The following NLGN1 variants were observed in gnomAD, a reference collection of about 807,000 sequenced individuals.
NLGN1 encodes neuroligin-1.
Under a neutral mutation model 65.5 loss-of-function variants are expected in NLGN1, and 12 were observed. The ratio of observed to expected loss-of-function variants is 0.18; its 90% confidence interval spans 0.12 to 0.30. The LOEUF (loss-of-function observed/expected upper bound fraction) is 0.30. Among genes scored for constraint, NLGN1 ranks in the 10% least tolerant of loss-of-function variants. The pLI is 1.00. For missense variants in NLGN1, 750 were observed against 1,007.1 expected (o/e 0.74, Z 3.46); for synonymous variants, 350 against 359.5 (o/e 0.97, Z 0.30).
intron 3 of NLGN1, among the ~76,000 whole-genome samples, chr3:173,616,082 C>T (rs1225833768): frequency 1.4e-5 from 2 of 147,266 alleles, no homozygotes; most frequent in African/African-American, 5.1e-5. Context: ...TGAGGGAACA[C>T]ACAGGAGAGG....
At chr3:174,044,926 G>A (rs1392413929) in intron 4 of NLGN1, among the ~76,000 whole-genome samples, 1 of 152,038 alleles carries the variant, frequency 6.6e-6, no homozygotes, top group Middle Eastern at 3.2e-3. Context: ...CTGCCATCAT[G>A]TGAAGAAGGA....
At chr3:173,976,081 G>A (rs1004989706) in intron 4 of NLGN1, among the ~76,000 whole-genome samples, 2 of 151,996 alleles carry the variant, frequency 1.3e-5, no homozygotes, top group Admixed American at 6.6e-5. Context: ...AATTGGAGTT[G>A]TGGAGATAAC....
intron 3 of NLGN1, among the ~76,000 whole-genome samples, chr3:173,781,102 G>A (rs374934344): frequency 4.0e-5 from 5 of 124,824 alleles, no homozygotes; most frequent in East Asian, 4.4e-4. Flanking sequence ...CCAAGATCGC[G>A]CCACTGCACT....
At chr3:174,188,912 G>A (rs923884844) in intron 4 of NLGN1, among the ~76,000 whole-genome samples, 10 of 151,712 alleles carry the variant, frequency 6.6e-5, no homozygotes, top group African/African-American at 2.4e-4. Context: ...TTCTATCAAT[G>A]GTAATTAAGT....
At chr3:174,083,342 A>G (rs1342415378) in intron 4 of NLGN1, among the ~76,000 whole-genome samples, 1 of 152,158 alleles carries the variant, frequency 6.6e-6, no homozygotes, top group Non-Finnish European at 1.5e-5. Flanking sequence ...GAATTAAGAT[A>G]AATATATTGT....
chr3:173,429,782 G>A (rs558150186), intron 1 of NLGN1, among the ~76,000 whole-genome samples: 1 of 152,274 alleles, frequency 6.6e-6, no homozygotes, highest in South Asian at 2.1e-4. Context: ...ATCCCAGATT[G>A]GGGCTGGGGG....
chr3:173,450,494 AT>A (rs1333500090), intron 2 of NLGN1, among the ~76,000 whole-genome samples: 1 of 151,742 alleles, frequency 6.6e-6, no homozygotes, highest in Non-Finnish European at 1.5e-5. Context: ...TGCCCTTAAC[AT>A]TTTTTCCTTC....
intron 4 of NLGN1, among the ~76,000 whole-genome samples, chr3:174,180,146 C>T (rs1353611385): frequency 1.3e-5 from 2 of 152,104 alleles, no homozygotes; most frequent in Non-Finnish European, 2.9e-5. Flanking sequence ...AGAAGAGTTA[C>T]AAATGAAAGA....
intron 3 of NLGN1, among the ~76,000 whole-genome samples, chr3:173,768,966 C>T (rs562481171): frequency 1.2e-4 from 18 of 151,910 alleles, no homozygotes; most frequent in African/African-American, 3.6e-4. Context: ...GGCAGGGTTT[C>T]GCCATGTTGC....
chr3:174,129,034 A>G (rs1022629801), intron 4 of NLGN1, among the ~76,000 whole-genome samples: 8 of 152,136 alleles, frequency 5.3e-5, no homozygotes, highest in African/African-American at 1.7e-4. Flanking sequence ...ACAAGCTTCA[A>G]TTAAAACATG....
At chr3:174,081,810 A>G (rs1257021011) in intron 4 of NLGN1, among the ~76,000 whole-genome samples, 2 of 152,060 alleles carry the variant, frequency 1.3e-5, no homozygotes, top group East Asian at 1.9e-4. Context: ...ATCTCAGGTG[A>G]TCTGCTCACC....
intron 3 of NLGN1, chr3:173,685,571 C>A: frequency 1.2e-6 from 1 of 862,012 alleles, no homozygotes; most frequent in Non-Finnish European, 1.4e-6. Flanking sequence ...GTCATCAAAT[C>A]CCAGGAAAAG....
At chr3:174,226,303 C>T (rs1013283285) in intron 4 of NLGN1, among the ~76,000 whole-genome samples, 5 of 152,130 alleles carry the variant, frequency 3.3e-5, no homozygotes, top group African/African-American at 1.2e-4. Flanking sequence ...CCCCCTTACC[C>T]ACCACCCCTG....
chr3:173,397,743 C>A (rs1224031239), upstream of NLGN1: 1 of 152,192 alleles, frequency 6.6e-6, no homozygotes, highest in Non-Finnish European at 1.5e-5. Flanking sequence ...GGCGGGGGAG[C>A]GCCGCGGCTG....
chr3:173,462,269 AT>A (rs1279292277), intron 2 of NLGN1, among the ~76,000 whole-genome samples: 2 of 152,250 alleles, frequency 1.3e-5, no homozygotes, highest in East Asian at 3.9e-4. Context: ...CCTTTTACAT[AT>A]TACATGCTCA....
chr3:173,837,112 A>G (rs1315568517), intron 4 of NLGN1, among the ~76,000 whole-genome samples: 1 of 152,294 alleles, frequency 6.6e-6, no homozygotes, highest in Non-Finnish European at 1.5e-5. Context: ...TAATAGTAAA[A>G]TTGTAGGTTG....
intron 3 of NLGN1, among the ~76,000 whole-genome samples, chr3:173,721,865 A>G (rs866542737): frequency 6.6e-6 from 1 of 152,028 alleles, no homozygotes; most frequent in Admixed American, 6.6e-5. Context: ...CCATTTGGCC[A>G]GGAAAAAGAA....
intron 4 of NLGN1, among the ~76,000 whole-genome samples, chr3:174,023,764 G>C (rs1371117307): frequency 6.6e-6 from 1 of 152,126 alleles, no homozygotes; most frequent in Admixed American, 6.5e-5. Flanking sequence ...GTTGGGGTAA[G>C]TTTGATTGAG....
intron 2 of NLGN1, among the ~76,000 whole-genome samples, chr3:173,443,250 A>G (rs1719535914): frequency 6.7e-6 from 1 of 150,076 alleles, no homozygotes; most frequent in Non-Finnish European, 1.5e-5. Flanking sequence ...TCCAAAAAAA[A>G]AGAAGTTTTT....
Sources: gnomAD v4.1 joint callset for allele counts (sites outside exome capture counted in the v4.1 genomes callset) on GRCh38, gnomAD v4.1.1 for gene constraint, MANE v1.5 for transcripts, NCBI Gene and HGNC (gene_info 2026-07-23, HGNC 2026-07-21) for gene names.